The following SLC26A6 variants were observed in gnomAD, a reference collection of about 807,000 sequenced individuals.
SLC26A6 encodes anion exchange transporter.
Under a neutral mutation model 87.1 loss-of-function variants are expected in SLC26A6, and 67 were observed. That is an observed-to-expected ratio of 0.77 (90% confidence interval 0.63 to 0.94). The LOEUF (loss-of-function observed/expected upper bound fraction) is 0.94, where lower values mean the gene tolerates loss of function less well. Ranked by LOEUF, SLC26A6 falls within the 40% of genes least tolerant of loss-of-function variation. The pLI is 0.00. For synonymous variants in SLC26A6, 414 were observed against 405.9 expected, an observed-to-expected ratio of 1.02 and a Z score of -0.24; for missense variants, 902 against 973.0, an observed-to-expected ratio of 0.93 and a Z score of 0.97.
chr3:48,630,798 A>G (rs1350027610), intron 9 of SLC26A6, 78 bp from the exon 10 acceptor site: 12 of 1,510,714 alleles, frequency 7.9e-6, no homozygotes, highest in Non-Finnish European at 1.0e-5. Context: ...AGGCCTGTGC[A>G]TCCCCAATCT....
At chr3:48,627,621 C>T (rs73078333) in intron 17 of SLC26A6, 19 of 229,410 alleles carry the variant, frequency 8.3e-5, no homozygotes, top group Non-Finnish European at 1.3e-4. Context: ...ACTACAGGCG[C>T]GTACCACCAC....
In SLC26A6 at chr3:48,630,481, AGGAGGATGAAAAGGGAAGAGAT is replaced by A; in HGVS notation, c.1261_1282del (p.Ile421SerfsTer24). ...GAGTTCCCCAAGTTTGACAATGATG[AGGAGGATGAAAAGGGAAGAGAT>A]GGCTCCAGCAACCTGTTCGGGGAGG... On this transcript the variant is annotated frameshift_variant, in exon 11 of 21. Coordinates refer to ENST00000395550, the MANE Select transcript of SLC26A6 (RefSeq NM_022911.3). LOFTEE classifies it high-confidence loss of function. 6.4e-7 allele frequency: 1 copy of A among 1,561,472 alleles called. No homozygotes were observed. The highest frequency in any genetic ancestry group is 8.7e-7 in the Non-Finnish European group (1 of 1,152,554).
In SLC26A6 at chr3:48,628,655, A is replaced by T; in HGVS notation, c.1659T>A (p.Asn553Lys). 6.2e-7 allele frequency: 1 copy of T among 1,613,732 alleles called. No individual in the cohort carries two copies. The highest frequency in any genetic ancestry group is 8.5e-7 in the Non-Finnish European group (1 of 1,179,924). Residue 553 changes from asparagine (N) to lysine (K), a missense_variant, in exon 15 of 21, where the codon AAT (asparagine) becomes AAA (lysine). By Grantham distance (94) the Asn-to-Lys change is moderately conservative (BLOSUM62 0). Around this residue, in one of 3 missense-constraint regions of SLC26A6, gnomAD observed 800 missense variants for 856.8 expected, o/e 0.93. Transcript: ENST00000395550. The surrounding 1 kb of genome is among the most constrained non-coding windows in gnomAD (Gnocchi z 4.4). Reference protein sequence around the residue: ...FRSSATVYFANAEFYSDALKQ... With the variant: ...FRSSATVYFAKAEFYSDALKQ... ...TCAGCGCATCACTGTAGAACTCAGC[A>T]TTGGCAAAGTACACGGTGGCCGAGG...
At position 48,630,978 on chromosome 3, in the gene SLC26A6, C is replaced by T; in HGVS notation, c.1134+15G>A. ...TACACTTGGATGCCTCCTACACATC[C>T]CGCATCACCCAGACCTGGTTGCTGT... is the stretch of plus-strand genomic sequence containing the variant. On this transcript the variant is annotated intron_variant, in intron 9 of 20. Coordinates refer to ENST00000395550, the MANE Select transcript of SLC26A6 (RefSeq NM_022911.3). 1 of 1,613,430 alleles carries T rather than the reference C, an allele frequency of 6.2e-7. No individual in the cohort carries two copies.
Position 48,625,831 on chromosome 3 carries a change from G to A in SLC26A6, c.*155C>T, listed in dbSNP as rs530450383. The stretch of plus-strand genomic sequence containing the variant: ...GCAGGCCCTGTCCCAGACCTGGAGC[G>A]CTGAACTTGGAGTCCCAGGACCTCC... On this transcript the variant is annotated 3_prime_UTR_variant, in exon 21 of 21. Transcript: ENST00000395550. This position sits in a 1 kb window ranked among gnomAD's most constrained non-coding sequence, Gnocchi z 4.7. 4.2e-5 allele frequency: 38 copies of A among 909,286 alleles called. No homozygotes were observed. Among genetic ancestry groups the A allele is most frequent in the South Asian group, 4.2e-4 (26 of 62,470 alleles). The allele number at this position is 909,286 out of a possible 1,614,324, so 56.3% of individuals were successfully genotyped here.
chr3:48,627,163 G>T, intron 17 of SLC26A6, 108 bp from the exon 18 acceptor site: 2 of 1,260,156 alleles, frequency 1.6e-6, no homozygotes, highest in Non-Finnish European at 2.2e-6. Context: ...GCATGCATGG[G>T]ACACATAAGG....
intron 12 of SLC26A6, 31 bp downstream of exon 12, chr3:48,630,031 A>G: frequency 1.9e-6 from 3 of 1,613,820 alleles, no homozygotes; most frequent in Admixed American, 3.3e-5. Context: ...GGGGCTGCCC[A>G]GTCCCTGCCC....
In SLC26A6 at chr3:48,630,739, GGT is replaced by G; in HGVS notation, c.1135-21_1135-20del. 6.3e-7 allele frequency: 1 copy of G among 1,581,602 alleles called. No homozygotes were observed. Among genetic ancestry groups the G allele is most frequent in the Non-Finnish European group, 8.6e-7 (1 of 1,162,228 alleles). On this transcript the variant is annotated intron_variant, in intron 9 of 20. Transcript: ENST00000395550. The stretch of plus-strand genomic sequence containing the variant: ...CCAGCTCCTGACGGGGGACAGTACG[GGT>G]GTGAGAAGACTTCCTAGAAGTGGCT...
rs2046606331 is a variant in SLC26A6, at chr3:48,625,885, G to A, written c.*101C>T. The stretch of plus-strand genomic sequence containing the variant: ...CCTGAGTTGTGTGTGTGTACATGGA[G>A]GGGACTCCTGGGTAGCACCTGGAGG... On this transcript the variant is annotated 3_prime_UTR_variant, in exon 21 of 21. Coordinates refer to ENST00000395550, the MANE Select transcript of SLC26A6 (RefSeq NM_022911.3). This position sits in a 1 kb window ranked among gnomAD's most constrained non-coding sequence, Gnocchi z 4.7. 6.8e-7 allele frequency: 1 copy of A among 1,471,332 alleles called. No homozygotes were observed. Among genetic ancestry groups the A allele is most frequent in the Non-Finnish European group, 9.4e-7 (1 of 1,062,472 alleles). The allele number at this position is 1,471,332 out of a possible 1,614,324, so 91.1% of individuals were successfully genotyped here.
At position 48,630,432 on chromosome 3, in the gene SLC26A6, G is replaced by A; in HGVS notation, c.1326+6C>T. ...AGACCTGAAACCTGGCTGGGTGGGG[G>A]CTCACCTTGGGCAGGTCATGGAAGA... On this transcript the variant is annotated splice_donor_region_variant and intron_variant, in intron 11 of 20. Coordinates refer to ENST00000395550, the MANE Select transcript of SLC26A6 (RefSeq NM_022911.3). The A allele has an allele frequency of 1.3e-6, 2 of 1,554,426 alleles. No homozygotes were observed.
At chr3:48,632,808 T>A (rs1418205013) in intron 4 of SLC26A6, 166 bp downstream of exon 4, 3 of 730,160 alleles carry the variant, frequency 4.1e-6, no homozygotes, top group Non-Finnish European at 7.1e-6. Flanking sequence ...GGTCCTACAG[T>A]CAGGGGTCTA....
In SLC26A6 at chr3:48,626,090, G is replaced by A. The variant is rs534815951; in HGVS notation, c.2266-90C>T. The A allele has an allele frequency of 5.5e-5, 88 of 1,612,078 alleles. No individual in the cohort carries two copies. The South Asian group carries it at 5.6e-4, about 10-fold the overall frequency. ...TAGAACAGCTTTATCCAAAGACAGC[G>A]GAGAAAGCACTGGGCCCACTGGGGA... On this transcript the variant is annotated intron_variant, in intron 20 of 20. Transcript: ENST00000395550.
chr3:48,627,346 G>C, intron 17 of SLC26A6: 1 of 398,950 alleles, frequency 2.5e-6, no homozygotes, highest in Non-Finnish European at 4.5e-6. Flanking sequence ...CCAGGGCTGA[G>C]TGGGGAGGGG....
intron 1 of SLC26A6, chr3:48,634,002 G>A: frequency 2.2e-6 from 1 of 463,916 alleles, no homozygotes; most frequent in South Asian, 4.7e-5. Flanking sequence ...TCCTCCTCCA[G>A]CTGCCCCGGG....
chr3:48,627,255 T>C, intron 17 of SLC26A6, 200 bp from the exon 18 acceptor site: 1 of 632,742 alleles, frequency 1.6e-6, no homozygotes, highest in Non-Finnish European at 2.7e-6. Flanking sequence ...CACACCCAGA[T>C]GTGCATATAC....
chr3:48,628,638 T>A lies in SLC26A6; in HGVS notation c.1676A>T (p.Asp559Val). Reference sequence around the variant, plus strand: ...CCGTCTCACCCTCTGCTTCAGCGCATCACTGTAGAACTCAGCATTGGCAAA... The same window carrying A: ...CCGTCTCACCCTCTGCTTCAGCGCAACACTGTAGAACTCAGCATTGGCAAA... The part of the protein sequence containing the change: ...VYFANAEFYS[D>V]ALKQRCGVDV... The change falls in exon 15 of 21, where the codon GAT becomes GTT. Residue 559 changes from aspartate to valine, a missense_variant. By Grantham distance (152) the Asp-to-Val change is radical. Transcript: ENST00000395550. This position sits in a 1 kb window ranked among gnomAD's most constrained non-coding sequence, Gnocchi z 4.4. 6.2e-7 allele frequency: 1 copy of A among 1,613,830 alleles called. No homozygotes were observed. Among genetic ancestry groups the A allele is most frequent in the Non-Finnish European group, 8.5e-7 (1 of 1,179,962 alleles).
In SLC26A6 at chr3:48,631,244, G is replaced by T; in HGVS notation, c.966C>A (p.Val322=). The T allele has an allele frequency of 6.2e-7, 1 of 1,610,576 alleles. No individual in the cohort carries two copies. Among genetic ancestry groups the T allele is most frequent in the Non-Finnish European group, 8.5e-7 (1 of 1,177,936 alleles). ...MGLKHRFEVD[V]VGNIPAGLVP... ...CTCACCCTGCAGGGATGTTGCCCAC[G>T]ACATCTACCTCAAATCTGTGCTTTA... Residue 322 remains valine (V), a synonymous_variant, in exon 8 of 21, where the codon GTC becomes GTA. Coordinates refer to ENST00000395550, the MANE Select transcript of SLC26A6 (RefSeq NM_022911.3).
chr3:48,626,744 G>T, intron 18 of SLC26A6, 59 bp from the exon 19 acceptor site: 3 of 1,611,488 alleles, frequency 1.9e-6, no homozygotes. Flanking sequence ...AGGGGGGCTC[G>T]GGCAGGCTTG....
At chr3:48,631,379 G>A (rs2046787007) in intron 7 of SLC26A6, 73 bp from the exon 8 acceptor site, 1 of 1,438,286 alleles carries the variant, frequency 7.0e-7, no homozygotes, top group Non-Finnish European at 9.2e-7. Context: ...CCACTGTGAG[G>A]TGAGGAGGGA....
Sources: allele counts gnomAD v4.1 joint callset, GRCh38; gene constraint gnomAD v4.1.1; regional missense constraint gnomAD v4.1.1; non-coding constraint Gnocchi (gnomAD v3.1); transcripts MANE v1.5; gene names NCBI Gene and HGNC (gene_info 2026-07-23, HGNC 2026-07-21).